The following CNTN1 variants were observed in gnomAD, a reference collection of about 807,000 sequenced individuals.
CNTN1 encodes the protein contactin-1.
In CNTN1, 38 loss-of-function variants were observed where a neutral mutation model predicts 126.4. The ratio of observed to expected loss-of-function variants is 0.30; its 90% CI spans 0.23 to 0.39. The LOEUF (loss-of-function observed/expected upper bound fraction) is 0.39, where lower values mean the gene tolerates loss of function less well. Among genes scored for constraint, CNTN1 ranks in the 10% least tolerant of loss-of-function variants. CNTN1 has a pLI of 1.00. For missense variants in CNTN1, 1,009 were observed against 1,248.4 expected (o/e 0.81, Z 2.89); for synonymous variants, 413 against 422.6 (o/e 0.98, Z 0.28).
chr12:41,036,122 G>GTT lies in CNTN1; in HGVS notation c.2980+6909_2980+6910dup, dbSNP rs907053078. 2.0e-4 allele frequency among the ~76,000 whole-genome samples: 30 copies of GTT among 152,108 alleles called. 1 individual carries two copies. The highest frequency in any genetic ancestry group is 7.2e-4 in the African/African-American group (30 of 41,430). On this transcript the variant is annotated intron_variant, in intron 23 of 23. Transcript: ENST00000551295. ...ATAATTAATTTATAGGCTACTGTAG[G>GTT]TTTTTTTATGACTCTAAGAAGCAAA...
At position 40,989,271 on chromosome 12, in the gene CNTN1, G is replaced by A. The variant is rs142479517; in HGVS notation, c.1964-3849G>A. On this transcript the variant is annotated intron_variant, in intron 16 of 23. Coordinates refer to ENST00000551295, the MANE Select transcript of CNTN1 (RefSeq NM_001843.4). Reference sequence around the variant, plus strand: ...AGGAATAGGAAAGAAGATTGCATTAGGTACAAGTCCATTTATGAAGACATT... The same window carrying A: ...AGGAATAGGAAAGAAGATTGCATTAAGTACAAGTCCATTTATGAAGACATT... Among the ~76,000 whole-genome samples the A allele has an allele frequency of 5.7e-3, 862 of 152,172 alleles. 11 individuals are homozygous for A. The highest frequency in any genetic ancestry group is 0.02 in the African/African-American group (819 of 41,518).
chr12:40,732,804 A>G (rs1942532892), intron 1 of CNTN1, among the ~76,000 whole-genome samples: 1 of 152,074 alleles, frequency 6.6e-6, no homozygotes, highest in African/African-American at 2.4e-5. Flanking sequence ...ACTAATATAA[A>G]ACTCCCTAAT....
chr12:41,012,811 T>G (rs1283152685), intron 17 of CNTN1, among the ~76,000 whole-genome samples: 1 of 152,190 alleles, frequency 6.6e-6, no homozygotes, highest in Non-Finnish European at 1.5e-5. Context: ...AGTTGGAGTC[T>G]GCTCCTCTAC....
chr12:40,859,537 AAAC>A (rs58350767), intron 1 of CNTN1, among the ~76,000 whole-genome samples: 38,828 of 151,856 alleles, frequency 0.26, 5,166 homozygotes, highest in South Asian at 0.35. Flanking sequence ...ATGGAAAAAA[AAAC>A]AACGACAAAA....
intron 3 of CNTN1, among the ~76,000 whole-genome samples, chr12:40,917,698 A>G (rs1027347871): frequency 3.3e-5 from 5 of 152,250 alleles, no homozygotes; most frequent in African/African-American, 9.6e-5. Flanking sequence ...TTATTAATTC[A>G]TTTGAGGCAT....
chr12:40,709,855 T>A (rs1448083096), intron 1 of CNTN1, among the ~76,000 whole-genome samples: 1 of 152,204 alleles, frequency 6.6e-6, no homozygotes, highest in Non-Finnish European at 1.5e-5. Flanking sequence ...GTGGCTGGTT[T>A]GACTTCTATC....
chr12:40,779,508 T>A (rs1939710774), intron 1 of CNTN1, among the ~76,000 whole-genome samples: 1 of 151,870 alleles, frequency 6.6e-6, no homozygotes, highest in Non-Finnish European at 1.5e-5. Context: ...AAGAGATTAA[T>A]TTTTTTATTG....
intron 16 of CNTN1, among the ~76,000 whole-genome samples, chr12:40,989,157 CTCCCAAACT>C (rs1948040218): frequency 6.6e-6 from 1 of 152,102 alleles, no homozygotes; most frequent in South Asian, 2.1e-4. Flanking sequence ...CAGGCCTCTG[CTCCCAAACT>C]GCATAGGTGA....
chr12:41,032,379 A>C (rs1237789208), intron 23 of CNTN1, among the ~76,000 whole-genome samples: 1 of 87,302 alleles, frequency 1.1e-5, no homozygotes, highest in Admixed American at 1.1e-4. Context: ...AAAAAAAAAA[A>C]AAAAGAAAAA....
intron 1 of CNTN1, among the ~76,000 whole-genome samples, chr12:40,783,340 AT>A (rs1939880596): frequency 6.6e-6 from 1 of 152,088 alleles, no homozygotes; most frequent in South Asian, 2.1e-4. Context: ...AGATCAAAAA[AT>A]ATATGTGAGA....
At chr12:40,833,063 CT>C (rs140639210) in intron 1 of CNTN1, among the ~76,000 whole-genome samples, 175 of 149,388 alleles carry the variant, frequency 1.2e-3, no homozygotes, top group African/African-American at 3.9e-3. Flanking sequence ...AACAAGTTAT[CT>C]TTTTTTTTTG....
intron 3 of CNTN1, among the ~76,000 whole-genome samples, chr12:40,914,758 A>G (rs1945169892): frequency 6.6e-6 from 1 of 152,108 alleles, no homozygotes; most frequent in African/African-American, 2.4e-5. Flanking sequence ...TATAAGTGGG[A>G]GTATTGGGAA....
At position 40,949,569 on chromosome 12, in the gene CNTN1, C is replaced by CTT. The variant is rs36070275; in HGVS notation, c.1683+5424_1683+5425dup. Among the ~76,000 whole-genome samples the CTT allele has an allele frequency of 2.6e-3, 165 of 64,346 alleles. 17 individuals are homozygous for CTT. The highest frequency in any genetic ancestry group is 9.6e-3 in the African/African-American group (145 of 15,148). The allele number at this position is 64,346 out of a possible 152,430, so 42.2% of individuals were successfully genotyped here. A position where few individuals can be genotyped will look rare whatever the true frequency, so the allele number is the denominator to read the frequency against. ...TGGGTTTTCTTCTTTTCTTTTCTTT[C>CTT]TTTTTTTTTTTTTTTTTTTTTTTTT... On this transcript the variant is annotated intron_variant, in intron 14 of 23. Coordinates refer to ENST00000551295, the MANE Select transcript of CNTN1 (RefSeq NM_001843.4).
At chr12:40,932,328 G>T (rs946728862) in intron 7 of CNTN1, among the ~76,000 whole-genome samples, 2 of 151,908 alleles carry the variant, frequency 1.3e-5, no homozygotes, top group Non-Finnish European at 2.9e-5. Context: ...CCCTGCACAT[G>T]CTGTCTCTTG....
intron 18 of CNTN1, 83 bp downstream of exon 18, chr12:41,014,381 G>T: frequency 7.2e-7 from 1 of 1,391,520 alleles, no homozygotes; most frequent in South Asian, 1.2e-5. Context: ...GAAATAAATT[G>T]AGATGAAAGT....
At position 40,943,665 on chromosome 12, in the gene CNTN1, C is replaced by T. The variant is rs774877474; in HGVS notation, c.1448C>T (p.Thr483Ile). The T allele has an allele frequency of 6.2e-6, 10 of 1,610,766 alleles. No homozygotes were observed. In the East Asian group the frequency reaches 1.8e-4, roughly 29 times the overall value. The change falls in exon 13 of 24, where the codon ACA becomes ATA. Residue 483 changes from threonine (T) to isoleucine (I), a missense_variant. By Grantham distance (89) the Thr-to-Ile change is moderately conservative. Coordinates refer to ENST00000551295, the MANE Select transcript of CNTN1 (RefSeq NM_001843.4). The stretch of plus-strand genomic sequence containing the variant: ...ACAAGGAATGATGGAGGTATCTATA[C>T]ATGCTTTGCAGAAAATAACAGAGGG... Reference protein sequence around the residue: ...NITRNDGGIYTCFAENNRGKA... With the variant: ...NITRNDGGIYICFAENNRGKA...
intron 16 of CNTN1, among the ~76,000 whole-genome samples, chr12:40,984,139 T>A (rs1038765441): frequency 7.9e-5 from 12 of 151,326 alleles, no homozygotes; most frequent in African/African-American, 2.4e-4. Flanking sequence ...TACATCTCTA[T>A]ATGTCACAAA....
intron 14 of CNTN1, among the ~76,000 whole-genome samples, chr12:40,958,444 C>A (rs573038134): frequency 1.2e-3 from 184 of 151,574 alleles, no homozygotes; most frequent in South Asian, 3.3e-3. Context: ...CATTGAATAA[C>A]TATTAGCTAT....
chr12:40,718,158 C>T (rs2121200310), intron 1 of CNTN1, among the ~76,000 whole-genome samples: 1 of 151,990 alleles, frequency 6.6e-6, no homozygotes, highest in East Asian at 1.9e-4. Context: ...TCCTGAGGTT[C>T]ATGAAAGGTT....
Sources: gnomAD v4.1 joint callset for allele counts (sites outside exome capture counted in the v4.1 genomes callset) on GRCh38, gnomAD v4.1.1 for gene constraint, MANE v1.5 for transcripts, NCBI Gene and HGNC (gene_info 2026-07-23, HGNC 2026-07-21) for gene names.